Variants in ULK2 observed in about 807,000 individuals in gnomAD.
ULK2 encodes unc-51 like autophagy activating kinase 2.
ULK2 carries 76 observed loss-of-function variants against 127.5 expected under a neutral mutation model. The ratio of observed to expected loss-of-function variants is 0.60; its 90% CI spans 0.50 to 0.72. ULK2 has a LOEUF of 0.72. ULK2 is among the 30% of genes least tolerant of loss of function. The pLI, the probability that ULK2 is intolerant of heterozygous loss-of-function variation, is 0.00. For synonymous variants in ULK2, 452 were observed against 461.9 expected (o/e 0.98, Z 0.28); for missense variants, 1,144 against 1,295.9 (o/e 0.88, Z 1.80).
intron 22 of ULK2, among the ~76,000 whole-genome samples, chr17:19,782,927 C>CAAAA (rs386385810): frequency 6.7e-6 from 1 of 149,374 alleles, no homozygotes; most frequent in African/African-American, 2.5e-5. Flanking sequence ...AATAAACAAA[C>CAAAA]AAACAAACAA....
At chr17:19,821,692 T>G (rs1051275325) in intron 12 of ULK2, among the ~76,000 whole-genome samples, 1 of 152,198 alleles carries the variant, frequency 6.6e-6, no homozygotes, top group Admixed American at 6.5e-5. Context: ...TTTTTTCCCC[T>G]GCTTTCCACT....
intron 5 of ULK2, among the ~76,000 whole-genome samples, chr17:19,848,639 T>G (rs1156325941): frequency 2.6e-5 from 4 of 152,122 alleles, no homozygotes; most frequent in Non-Finnish European, 1.5e-5. Flanking sequence ...TAGCTGTGTG[T>G]GGAGGTATGC....
intron 14 of ULK2, among the ~76,000 whole-genome samples, chr17:19,806,124 A>G (rs1234961160): frequency 1.3e-5 from 2 of 152,240 alleles, no homozygotes; most frequent in Non-Finnish European, 2.9e-5. Context: ...GCTTAACAGT[A>G]CTTCACTAAT....
At chr17:19,798,891 G>C (rs1333341874) in intron 17 of ULK2, among the ~76,000 whole-genome samples, 1 of 152,120 alleles carries the variant, frequency 6.6e-6, no homozygotes, top group African/African-American at 2.4e-5. Flanking sequence ...AGCCGGGCAT[G>C]GTGGCTCACA....
At chr17:19,804,054 T>A (rs908792834) in intron 15 of ULK2, among the ~76,000 whole-genome samples, 6 of 152,100 alleles carry the variant, frequency 3.9e-5, no homozygotes, top group East Asian at 1.9e-4. Flanking sequence ...TCCAGAAATT[T>A]ACTGAACTCT....
chr17:19,835,201 G>C (rs963433692), intron 10 of ULK2, among the ~76,000 whole-genome samples: 4 of 150,672 alleles, frequency 2.7e-5, no homozygotes, highest in Admixed American at 6.6e-5. Flanking sequence ...GGCTGGAGGA[G>C]TGTAGTGGCG....
rs192797003 is a variant in ULK2 at position 19,810,309 on chromosome 17, G to A, written c.1157+69C>T. On this transcript the variant is annotated intron_variant, in intron 14 of 26. Coordinates refer to ENST00000395544, the MANE Select transcript of ULK2 (RefSeq NM_014683.4). ...ATAAATCTTAAATCAAGAACACTAAGTTCTATAACCTTACTCACAAAAATA... is the reference window on the plus strand; with the variant it reads ...ATAAATCTTAAATCAAGAACACTAAATTCTATAACCTTACTCACAAAAATA... 938 of 947,924 alleles carry A rather than the reference G, an allele frequency of 9.9e-4. 1 individual carries two copies. Among genetic ancestry groups the A allele is most frequent in the Middle Eastern group, 5.3e-3 (22 of 4,176 alleles). The allele number at this position is 947,924 out of a possible 1,614,324, so 58.7% of individuals were successfully genotyped here. A position where few individuals can be genotyped will look rare whatever the true frequency, so the allele number is the denominator to read the frequency against.
At chr17:19,780,397 T>C in intron 25 of ULK2, 75 bp downstream of exon 25, 1 of 1,337,494 alleles carries the variant, frequency 7.5e-7, no homozygotes, top group African/African-American at 1.5e-5. Context: ...AGGATAGCTG[T>C]CATATAGATA....
At chr17:19,864,951 C>G (rs2042322219) in intron 2 of ULK2, 107 bp from the exon 3 acceptor site, 2 of 395,660 alleles carry the variant, frequency 5.1e-6, no homozygotes, top group African/African-American at 2.1e-5. Context: ...TAGTATTATA[C>G]TTATATTAAG....
At chr17:19,783,556 C>G in intron 22 of ULK2, 141 bp downstream of exon 22, 1 of 811,054 alleles carries the variant, frequency 1.2e-6, no homozygotes, top group South Asian at 4.6e-5. Flanking sequence ...AAAAAGACAT[C>G]AGCAATACTT....
chr17:19,785,903 A>T, intron 21 of ULK2, 34 bp downstream of exon 21: 13 of 1,589,690 alleles, frequency 8.2e-6, no homozygotes, highest in Non-Finnish European at 1.1e-5. Flanking sequence ...TCCAAATACT[A>T]GCCAAAGACT....
intron 20 of ULK2, among the ~76,000 whole-genome samples, chr17:19,787,437 C>T (rs2087058646): frequency 6.6e-6 from 1 of 152,154 alleles, no homozygotes; most frequent in African/African-American, 2.4e-5. Flanking sequence ...CAGGCGTGAG[C>T]CACTGCACCC....
chr17:19,780,003 A>G (rs2086885978), intron 25 of ULK2, among the ~76,000 whole-genome samples: 2 of 151,838 alleles, frequency 1.3e-5, no homozygotes, highest in Admixed American at 1.3e-4. Context: ...GCAAAACCCC[A>G]TCTCTACTAA....
Position 19,783,739 on chromosome 17 carries a change from G to T in ULK2, c.2418C>A (p.Ile806=). 6.3e-7 allele frequency: 1 copy of T among 1,593,258 alleles called. No individual in the cohort carries two copies. Among genetic ancestry groups the T allele is most frequent in the Non-Finnish European group, 8.6e-7 (1 of 1,169,054 alleles). Residue 806 remains isoleucine, a synonymous_variant, in exon 22 of 27, where the codon ATC becomes ATA. Transcript: ENST00000395544. ...CCGGCAGTTCAGGGGCTTCAAAGGT[G>T]ATGAGCCCCTCTAGGCTGGGGGGTG... ...GASPPSLEGL[I]TFEAPELPEE... is the part of the protein sequence containing the mutation.
chr17:19,838,544 A>C lies in ULK2; in HGVS notation c.744T>G (p.Leu248=). The change falls in exon 10 of 27, where the codon CTT becomes CTG. Residue 248 remains leucine (L), a synonymous_variant. Coordinates refer to ENST00000395544, the MANE Select transcript of ULK2 (RefSeq NM_014683.4). The part of the protein sequence containing the change: ...RETSPYLANL[L]LGLLQRNQKD... ...TTTGGTTTCTCTGAAGCAAACCCAA[A>C]AGGAGATTAGCCAAATAAGGTGATG... The C allele has an allele frequency of 6.2e-7, 1 of 1,613,400 alleles. No individual in the cohort carries two copies. The highest frequency in any genetic ancestry group is 8.5e-7 in the Non-Finnish European group (1 of 1,179,820).
rs1410062118 is a variant in ULK2, at chr17:19,849,410, C to T, written c.259-5G>A. On this transcript the variant is annotated splice_polypyrimidine_tract_variant and splice_region_variant and intron_variant, in intron 4 of 26. Coordinates refer to ENST00000395544, the MANE Select transcript of ULK2 (RefSeq NM_014683.4). ...GAGGTCTCCACCATTGCAATACTGA[C>T]ATAGAAAAGAGAAAGTAATGAAAAT... 1.2e-6 allele frequency: 2 copies of T among 1,604,558 alleles called. No individual in the cohort carries two copies. The highest frequency in any genetic ancestry group is 1.7e-6 in the Non-Finnish European group (2 of 1,174,190).
chr17:19,800,017 C>A (rs1316094063), intron 16 of ULK2, among the ~76,000 whole-genome samples: 1 of 152,190 alleles, frequency 6.6e-6, no homozygotes, highest in African/African-American at 2.4e-5. Flanking sequence ...CTAATTCAGG[C>A]TTGTTGAAGC....
At chr17:19,817,584 C>T (rs770858141) in intron 12 of ULK2, among the ~76,000 whole-genome samples, 4 of 152,122 alleles carry the variant, frequency 2.6e-5, no homozygotes, top group Non-Finnish European at 2.9e-5. Flanking sequence ...TAAACAAATA[C>T]TTAAGAGCTA....
intron 16 of ULK2, among the ~76,000 whole-genome samples, chr17:19,800,985 G>C (rs1226679294): frequency 6.6e-6 from 1 of 152,064 alleles, no homozygotes; most frequent in African/African-American, 2.4e-5. Flanking sequence ...TGTTTTGTTT[G>C]TATTGGCATT....
Sources: gnomAD v4.1 joint callset for allele counts (sites outside exome capture counted in the v4.1 genomes callset) on GRCh38, gnomAD v4.1.1 for gene constraint, MANE v1.5 for transcripts, NCBI Gene and HGNC (gene_info 2026-07-23, HGNC 2026-07-21) for gene names.